The following NUDCD3 variants were observed in gnomAD, a reference collection of about 807,000 sequenced individuals.
NUDCD3 encodes nudC domain-containing protein 3.
Under a neutral mutation model 39.7 loss-of-function variants are expected in NUDCD3, and 13 were observed. That is an observed-to-expected ratio of 0.33 (90% CI 0.21 to 0.52). The LOEUF (loss-of-function observed/expected upper bound fraction) is 0.52, where lower values mean the gene tolerates loss of function less well. Ranked by LOEUF, NUDCD3 falls within the 20% of genes least tolerant of loss-of-function variation. The pLI is 0.96. For synonymous variants in NUDCD3, 175 were observed against 172.4 expected, an observed-to-expected ratio of 1.02 and a Z score of -0.12; for missense variants, 453 against 458.1, an observed-to-expected ratio of 0.99 and a Z score of 0.10.
chr7:44,404,392 A>G, intron 4 of NUDCD3, 48 bp downstream of exon 4: 4 of 1,588,868 alleles, frequency 2.5e-6, no homozygotes, highest in Non-Finnish European at 3.4e-6. Flanking sequence ...GCATCACTGC[A>G]GGTTTGAAGT....
chr7:44,488,002 C>A (rs757055845), intron 1 of NUDCD3, among the ~76,000 whole-genome samples: 1 of 151,496 alleles, frequency 6.6e-6, no homozygotes, highest in Non-Finnish European at 1.5e-5. Flanking sequence ...CCAGGATTCA[C>A]CCTGATCTAC....
At chr7:44,395,055 TTCA>T (rs1362924144) in intron 4 of NUDCD3, among the ~76,000 whole-genome samples, 2 of 152,256 alleles carry the variant, frequency 1.3e-5, no homozygotes, top group Admixed American at 1.3e-4. Context: ...ACTGCACTTT[TTCA>T]TCAGAAATAC....
At chr7:44,482,712 C>T (rs1800517096) in intron 2 of NUDCD3, among the ~76,000 whole-genome samples, 1 of 151,998 alleles carries the variant, frequency 6.6e-6, no homozygotes, top group African/African-American at 2.4e-5. Flanking sequence ...TGTCTAGCAT[C>T]CAATAAAAAA....
At chr7:44,489,276 C>T (rs990470241) in intron 1 of NUDCD3, among the ~76,000 whole-genome samples, 13 of 152,230 alleles carry the variant, frequency 8.5e-5, no homozygotes, top group African/African-American at 2.9e-4. Context: ...GCTCTCTCAT[C>T]ACTAAGATGG....
At chr7:44,402,675 G>C (rs569465219) in intron 4 of NUDCD3, 26 of 456,710 alleles carry the variant, frequency 5.7e-5, no homozygotes, top group Middle Eastern at 3.3e-4. Context: ...ACCAACTTGA[G>C]AGCATCGTGA....
At chr7:44,490,333 C>G in intron 1 of NUDCD3, 76 bp downstream of exon 1, 1 of 1,358,586 alleles carries the variant, frequency 7.4e-7, no homozygotes, top group Non-Finnish European at 9.7e-7. Flanking sequence ...GCTGGGAGAG[C>G]TTGGAGGAGC....
intron 3 of NUDCD3, among the ~76,000 whole-genome samples, chr7:44,416,589 A>G (rs1201776731): frequency 2.6e-5 from 4 of 152,194 alleles, no homozygotes; most frequent in African/African-American, 9.7e-5. Context: ...AGTTTTTCCA[A>G]CCCCATAGGA....
intron 2 of NUDCD3, among the ~76,000 whole-genome samples, chr7:44,441,404 A>G (rs1799582137): frequency 6.6e-6 from 1 of 152,032 alleles, no homozygotes; most frequent in Admixed American, 6.5e-5. Flanking sequence ...GACTTTCAGT[A>G]CCAAGAACCA....
chr7:44,450,802 T>A (rs1485117805), intron 2 of NUDCD3, among the ~76,000 whole-genome samples: 1 of 152,098 alleles, frequency 6.6e-6, no homozygotes, highest in East Asian at 1.9e-4. Flanking sequence ...AGAAATGAAG[T>A]GTCCATCCAC....
chr7:44,486,676 G>A (rs1800617675), intron 1 of NUDCD3, among the ~76,000 whole-genome samples: 1 of 152,186 alleles, frequency 6.6e-6, no homozygotes, highest in African/African-American at 2.4e-5. Flanking sequence ...TCATCCTGCT[G>A]ATACTCCAGA....
At chr7:44,398,232 C>T (rs1314171337) in intron 4 of NUDCD3, among the ~76,000 whole-genome samples, 1 of 152,162 alleles carries the variant, frequency 6.6e-6, no homozygotes, top group African/African-American at 2.4e-5. Context: ...ATGGCTTATG[C>T]ATCTTATTGA....
intron 2 of NUDCD3, among the ~76,000 whole-genome samples, chr7:44,471,613 G>C (rs1222868528): frequency 6.6e-6 from 1 of 152,206 alleles, no homozygotes. Context: ...TAAACACATA[G>C]GAGTGTGTAA....
At chr7:44,449,187 G>T (rs896941044) in intron 2 of NUDCD3, among the ~76,000 whole-genome samples, 2 of 152,190 alleles carry the variant, frequency 1.3e-5, no homozygotes, top group African/African-American at 4.8e-5. Context: ...CACGTTTAAG[G>T]GGTGGAAACA....
At chr7:44,403,626 C>T (rs969087899) in intron 4 of NUDCD3, among the ~76,000 whole-genome samples, 1 of 152,228 alleles carries the variant, frequency 6.6e-6, no homozygotes, top group African/African-American at 2.4e-5. Context: ...CCAGTCAGCA[C>T]TGGCCAGGGA....
At chr7:44,386,342 A>G (rs1798403138) in intron 5 of NUDCD3, among the ~76,000 whole-genome samples, 1 of 152,190 alleles carries the variant, frequency 6.6e-6, no homozygotes, top group African/African-American at 2.4e-5. Context: ...TGCTCCACAG[A>G]CTGAATTTCT....
At chr7:44,414,186 T>C (rs1042624755) in intron 3 of NUDCD3, among the ~76,000 whole-genome samples, 2 of 152,122 alleles carry the variant, frequency 1.3e-5, no homozygotes, top group African/African-American at 2.4e-5. Flanking sequence ...ACAGGAAAGA[T>C]TGGAAACAAC....
At chr7:44,431,541 C>A (rs1037281067) in intron 2 of NUDCD3, among the ~76,000 whole-genome samples, 1 of 152,070 alleles carries the variant, frequency 6.6e-6, no homozygotes, top group African/African-American at 2.4e-5. Context: ...CACTGTCATG[C>A]AGACAAGCAG....
At chr7:44,464,971 G>A (rs777272213) in intron 2 of NUDCD3, among the ~76,000 whole-genome samples, 1 of 152,114 alleles carries the variant, frequency 6.6e-6, no homozygotes, top group East Asian at 1.9e-4. Context: ...GCCGAGGGCA[G>A]GGCTCAGGGA....
intron 2 of NUDCD3, among the ~76,000 whole-genome samples, chr7:44,470,799 T>A (rs1460619891): frequency 6.6e-6 from 1 of 152,244 alleles, no homozygotes; most frequent in Non-Finnish European, 1.5e-5. Context: ...TTAACTATTT[T>A]TATTTATCTT....
Sources: gnomAD v4.1 joint callset for allele counts (sites outside exome capture counted in the v4.1 genomes callset) on GRCh38, gnomAD v4.1.1 for gene constraint, MANE v1.5 for transcripts, NCBI Gene and HGNC (gene_info 2026-07-23, HGNC 2026-07-21) for gene names.